The following MOCOS variants were observed in gnomAD, a reference collection of about 807,000 sequenced individuals.
MOCOS encodes human molybdenum cofactor sulfurase.
Under a neutral mutation model 83.6 loss-of-function variants are expected in MOCOS, and 86 were observed. The ratio of observed to expected loss-of-function variants is 1.03; its 90% CI spans 0.86 to 1.23. MOCOS has a LOEUF of 1.23. MOCOS is among the 50% of genes most tolerant of loss of function. The probability of loss-of-function intolerance (pLI) is 0.00; values close to 1 mark genes in which losing one functional copy is unlikely to be tolerated. For synonymous variants in MOCOS, 445 were observed against 434.7 expected (o/e 1.02, Z -0.29); for missense variants, 1,120 against 1,126.9 (o/e 0.99, Z 0.09).
At chr18:36,265,727 G>T (rs1446786870) in intron 13 of MOCOS, among the ~76,000 whole-genome samples, 1 of 125,170 alleles carries the variant, frequency 8.0e-6, no homozygotes, top group Non-Finnish European at 1.7e-5. Context: ...GCATGTAGGC[G>T]TGGGTACGTA....
intron 1 of MOCOS, among the ~76,000 whole-genome samples, chr18:36,188,556 G>A (rs1008719336): frequency 4.6e-5 from 7 of 152,326 alleles, no homozygotes; most frequent in African/African-American, 1.7e-4. Context: ...AGGGTGTGCA[G>A]GTGAAGTGGG....
At chr18:36,213,551 G>T in intron 7 of MOCOS, 69 bp downstream of exon 7, 2 of 1,245,188 alleles carry the variant, frequency 1.6e-6, no homozygotes, top group Non-Finnish European at 2.4e-6. Flanking sequence ...CTGCCTGTGT[G>T]TCTGGGGTGG....
rs963485714 is a variant in MOCOS, at chr18:36,187,537, G to T, written c.-3G>T. On this transcript the variant is annotated 5_prime_UTR_variant, in exon 1 of 15. Transcript: ENST00000261326. ...GGCCGGCCTGGATGGACTAGCCGGG[G>T]CCATGGCCGGCGCGGCGGCGGAGTC... 8.1e-7 allele frequency: 1 copy of T among 1,235,660 alleles called. No homozygotes were observed. Among genetic ancestry groups the T allele is most frequent in the Non-Finnish European group, 1.0e-6 (1 of 989,416 alleles). The allele number at this position is 1,235,660 out of a possible 1,614,324, so 76.5% of individuals were successfully genotyped here. A position where few individuals can be genotyped will look rare whatever the true frequency, so the allele number is the denominator to read the frequency against.
In MOCOS at chr18:36,248,910, T is replaced by C; in HGVS notation, c.1961-12T>C. Reference sequence around the variant, plus strand: ...CATAATGATAAATTTGTTTTTAACCTTTGTTCATTAGGGATGGAGCCTATA... The same window carrying C: ...CATAATGATAAATTTGTTTTTAACCCTTGTTCATTAGGGATGGAGCCTATA... On this transcript the variant is annotated splice_polypyrimidine_tract_variant and intron_variant, in intron 9 of 14. Coordinates refer to ENST00000261326, the MANE Select transcript of MOCOS (RefSeq NM_017947.4). 1 of 1,611,388 alleles carries C rather than the reference T, an allele frequency of 6.2e-7. No individual in the cohort carries two copies. The highest frequency in any genetic ancestry group is 1.1e-5 in the South Asian group (1 of 91,010).
At chr18:36,253,298 A>T (rs761725476) in intron 11 of MOCOS, among the ~76,000 whole-genome samples, 2 of 152,206 alleles carry the variant, frequency 1.3e-5, no homozygotes, top group African/African-American at 4.8e-5. Flanking sequence ...GTCTATGCGA[A>T]GGGCAGAATC....
intron 6 of MOCOS, among the ~76,000 whole-genome samples, chr18:36,212,078 C>A (rs1272999844): frequency 6.6e-6 from 1 of 152,146 alleles, no homozygotes; most frequent in Non-Finnish European, 1.5e-5. Flanking sequence ...GCCCTTCCAG[C>A]CTGTGGACCA....
intron 9 of MOCOS, among the ~76,000 whole-genome samples, chr18:36,238,027 C>A (rs1211015534): frequency 6.6e-4 from 100 of 151,302 alleles, no homozygotes; most frequent in Non-Finnish European, 1.6e-4. Flanking sequence ...TCTCTCTTTT[C>A]TTCTTTATTA....
chr18:36,221,559 T>C (rs1283489415), intron 9 of MOCOS, among the ~76,000 whole-genome samples: 2 of 152,186 alleles, frequency 1.3e-5, no homozygotes, highest in Admixed American at 1.3e-4. Context: ...TTTTGTGATA[T>C]ATAACATTTC....
Position 36,268,875 on chromosome 18 carries a change from G to A in MOCOS, c.*190G>A. On this transcript the variant is annotated 3_prime_UTR_variant, in exon 15 of 15. Transcript: ENST00000261326. ...GCAAATTTGCACTGGCTGTGCTCAGGAGAGCACTTCTGAGGCCTCAGGAAC... is the reference window on the plus strand; with the variant it reads ...GCAAATTTGCACTGGCTGTGCTCAGAAGAGCACTTCTGAGGCCTCAGGAAC... 4.9e-6 allele frequency: 3 copies of A among 613,100 alleles called. No individual in the cohort carries two copies. The highest frequency in any genetic ancestry group is 2.0e-5 in the South Asian group (1 of 50,440). 38.0% of individuals were successfully genotyped at this position (613,100 alleles called of 1,614,324 possible).
At chr18:36,241,005 G>A (rs7240362) in intron 9 of MOCOS, among the ~76,000 whole-genome samples, 8,635 of 151,680 alleles carry the variant, frequency 0.057, 832 homozygotes, top group African/African-American at 0.2. Flanking sequence ...CGCACGGTGC[G>A]TGCACCCACT....
chr18:36,210,362 G>A (rs1440582245), intron 6 of MOCOS, among the ~76,000 whole-genome samples: 25 of 152,118 alleles, frequency 1.6e-4, no homozygotes, highest in Non-Finnish European at 2.9e-5. Flanking sequence ...CTTGAGTATG[G>A]CAGCTGTGCA....
At chr18:36,195,583 A>G (rs557602483) in intron 2 of MOCOS, among the ~76,000 whole-genome samples, 1 of 152,324 alleles carries the variant, frequency 6.6e-6, no homozygotes, top group South Asian at 2.1e-4. Flanking sequence ...AGAAGAGGCC[A>G]GTGTTAGGAA....
intron 1 of MOCOS, chr18:36,189,988 T>C (rs1426195680): frequency 6.6e-6 from 1 of 152,242 alleles, no homozygotes; most frequent in Non-Finnish European, 1.5e-5. Flanking sequence ...TTAACCCCTA[T>C]GCTGCCTGAC....
chr18:36,247,297 A>T (rs2091606026), intron 9 of MOCOS, among the ~76,000 whole-genome samples: 3 of 152,330 alleles, frequency 2.0e-5, no homozygotes, highest in Admixed American at 2.0e-4. Context: ...TGAGAAAGCA[A>T]GCAGGGCTCT....
chr18:36,232,539 T>TA, intron 9 of MOCOS, among the ~76,000 whole-genome samples: 1 of 152,170 alleles, frequency 6.6e-6, no homozygotes, highest in East Asian at 1.9e-4. Flanking sequence ...TTTAATAAAT[T>TA]ATTGTTAACC....
At chr18:36,228,209 G>T (rs2091524893) in intron 9 of MOCOS, among the ~76,000 whole-genome samples, 1 of 152,210 alleles carries the variant, frequency 6.6e-6, no homozygotes, top group Admixed American at 6.5e-5. Flanking sequence ...GGAGAAAAAG[G>T]AATGCTTATA....
At chr18:36,266,685 C>T (rs1021300618) in intron 13 of MOCOS, 64 bp from the exon 14 acceptor site, 4 of 1,388,458 alleles carry the variant, frequency 2.9e-6, no homozygotes, top group South Asian at 1.2e-5. Flanking sequence ...GTGATTCCTC[C>T]CTCTGAGGTG....
chr18:36,215,519 G>C lies in MOCOS; in HGVS notation c.1339G>C (p.Gly447Arg). 1 of 1,613,688 alleles carries C rather than the reference G, an allele frequency of 6.2e-7. No individual in the cohort carries two copies. The highest frequency in any genetic ancestry group is 8.5e-7 in the Non-Finnish European group (1 of 1,179,876). The change falls in exon 8 of 15, where the codon GGT becomes CGT. Residue 447 changes from glycine to arginine, a missense_variant. Coordinates refer to ENST00000261326, the MANE Select transcript of MOCOS (RefSeq NM_017947.4). ...ATGCACTTCCCTCTTATCCTAGGCT[G>C]GTCATGTCTGTGGGGACAATATGGA... ...NEMVRKHFQA[G>R]HVCGDNMDLI...
intron 7 of MOCOS, among the ~76,000 whole-genome samples, chr18:36,215,150 C>G (rs751320907): frequency 6.6e-6 from 1 of 152,180 alleles, no homozygotes; most frequent in African/African-American, 2.4e-5. Flanking sequence ...ATCTCAGCCC[C>G]GGGTAGACCT....
Sources: allele counts gnomAD v4.1 joint callset (sites outside exome capture counted in the v4.1 genomes callset), GRCh38; gene constraint gnomAD v4.1.1; transcripts MANE v1.5; gene names NCBI Gene and HGNC (gene_info 2026-07-23, HGNC 2026-07-21).